OSBPL6: variants seen among roughly 807,000 people sequenced by gnomAD.
The protein encoded by OSBPL6 is oxysterol-binding protein-related protein 6.
In OSBPL6, 49 loss-of-function variants were observed where a neutral mutation model predicts 125.8. The observed-to-expected ratio is 0.39, with a 90% CI of 0.31 to 0.49. The LOEUF is 0.49. Ranked by LOEUF, OSBPL6 falls within the 20% of genes least tolerant of loss-of-function variation. OSBPL6 has a pLI of 0.88. For missense variants in OSBPL6, 986 were observed against 1,135.4 expected (o/e 0.87, Z 1.89); for synonymous variants, 394 against 391.8 (o/e 1.01, Z -0.07).
chr2:178,371,215 G>A (rs189527279), intron 13 of OSBPL6, among the ~76,000 whole-genome samples: 7 of 152,246 alleles, frequency 4.6e-5, no homozygotes, highest in East Asian at 3.9e-4. Context: ...TTTAACTTGA[G>A]GCTTGATATA....
At chr2:178,280,588 A>G (rs986779001) in intron 1 of OSBPL6, among the ~76,000 whole-genome samples, 4 of 152,252 alleles carry the variant, frequency 2.6e-5, no homozygotes, top group African/African-American at 7.2e-5. Context: ...TTGACATTTC[A>G]TATGCATTGT....
At chr2:178,212,357 C>A (rs1024726022) in intron 1 of OSBPL6, among the ~76,000 whole-genome samples, 5 of 152,164 alleles carry the variant, frequency 3.3e-5, no homozygotes, top group Non-Finnish European at 7.3e-5. Flanking sequence ...GGGCACTCTT[C>A]TTAGAGTTTT....
At chr2:178,323,471 A>ATTTATTTT (rs1386642705) in intron 3 of OSBPL6, 2 of 151,854 alleles carry the variant, frequency 1.3e-5, no homozygotes, top group African/African-American at 4.8e-5. Context: ...TTATTTATTT[A>ATTTATTTT]TTTATTTTTG....
chr2:178,382,287 A>T (rs1183916672), intron 15 of OSBPL6, 133 bp from the exon 16 acceptor site: 15 of 1,126,530 alleles, frequency 1.3e-5, no homozygotes, highest in African/African-American at 3.2e-5. Context: ...CATTGCACAT[A>T]TGTCAAATAC....
intron 1 of OSBPL6, among the ~76,000 whole-genome samples, chr2:178,223,656 C>T (rs576560843): frequency 6.6e-6 from 1 of 152,262 alleles, no homozygotes; most frequent in East Asian, 1.9e-4. Flanking sequence ...TTAGTATTTA[C>T]ACTGACTAAG....
At chr2:178,327,192 A>T (rs1352551045) in intron 4 of OSBPL6, among the ~76,000 whole-genome samples, 1 of 152,228 alleles carries the variant, frequency 6.6e-6, no homozygotes, top group African/African-American at 2.4e-5. Context: ...AAAAGAAATT[A>T]GTAGTTAGTA....
Position 178,331,642 on chromosome 2 carries a change from T to C in OSBPL6, c.372+37T>C. ...ACAGGACATGTTTCAAAGGTTGATTTCGAATTCTGCTTGAAGTGAGTAAAC... is the reference window on the plus strand; with the variant it reads ...ACAGGACATGTTTCAAAGGTTGATTCCGAATTCTGCTTGAAGTGAGTAAAC... On this transcript the variant is annotated intron_variant, in intron 6 of 24. Coordinates refer to ENST00000190611, the MANE Select transcript of OSBPL6 (RefSeq NM_032523.4). 1.2e-6 allele frequency: 2 copies of C among 1,605,074 alleles called. 1 individual carries two copies.
intron 1 of OSBPL6, among the ~76,000 whole-genome samples, chr2:178,231,638 A>ATTTTTT (rs71023433): frequency 2.2e-4 from 19 of 84,572 alleles, no homozygotes; most frequent in African/African-American, 1.0e-3. Context: ...GGGTGGTCCC[A>ATTTTTT]TTTTTTTTTT....
At chr2:178,248,435 T>C (rs2154000324) in intron 1 of OSBPL6, among the ~76,000 whole-genome samples, 1 of 152,342 alleles carries the variant, frequency 6.6e-6, no homozygotes, top group East Asian at 1.9e-4. Flanking sequence ...GTTTTTTTCC[T>C]GTGATTTTTT....
intron 1 of OSBPL6, among the ~76,000 whole-genome samples, chr2:178,267,018 A>T (rs1465204990): frequency 6.6e-6 from 1 of 152,168 alleles, no homozygotes; most frequent in East Asian, 1.9e-4. Context: ...AGCCAGAGAG[A>T]CATGGCTATT....
intron 13 of OSBPL6, among the ~76,000 whole-genome samples, chr2:178,370,108 T>C (rs975002695): frequency 6.6e-6 from 1 of 152,044 alleles, no homozygotes; most frequent in Non-Finnish European, 1.5e-5. Flanking sequence ...CTACTAAAAA[T>C]ACAAAAATTA....
intron 1 of OSBPL6, among the ~76,000 whole-genome samples, chr2:178,246,308 A>G (rs1479134303): frequency 6.6e-6 from 1 of 152,206 alleles, no homozygotes; most frequent in Non-Finnish European, 1.5e-5. Flanking sequence ...CGTGGTCTCC[A>G]TGCAGTCTCT....
chr2:178,374,139 A>G (rs36060642), intron 15 of OSBPL6, 112 bp downstream of exon 15: 332,056 of 1,313,040 alleles, frequency 0.25, 45,754 homozygotes, highest in Admixed American at 0.33. Flanking sequence ...TTTTTTGTTT[A>G]CATCATAGTA....
intron 1 of OSBPL6, among the ~76,000 whole-genome samples, chr2:178,284,481 A>G (rs1684513565): frequency 6.6e-6 from 1 of 150,986 alleles, no homozygotes. Flanking sequence ...TGAACCCAGG[A>G]GGCAGAGGTT....
chr2:178,289,147 A>G (rs1685003953), intron 2 of OSBPL6, among the ~76,000 whole-genome samples: 1 of 148,900 alleles, frequency 6.7e-6, no homozygotes, highest in Non-Finnish European at 1.5e-5. Context: ...CCTCCCGAGT[A>G]GCTGGGACTA....
chr2:178,365,648 C>T (rs771383625), intron 13 of OSBPL6, among the ~76,000 whole-genome samples: 1 of 151,954 alleles, frequency 6.6e-6, no homozygotes, highest in African/African-American at 2.4e-5. Flanking sequence ...TGCACTCCAG[C>T]CTGGATGACA....
intron 1 of OSBPL6, among the ~76,000 whole-genome samples, chr2:178,252,652 A>C (rs1248682103): frequency 6.6e-6 from 1 of 152,170 alleles, no homozygotes; most frequent in African/African-American, 2.4e-5. Flanking sequence ...CACAGATAAC[A>C]AGATTAGCTT....
chr2:178,266,635 C>T (rs538322363), intron 1 of OSBPL6, among the ~76,000 whole-genome samples: 7 of 152,148 alleles, frequency 4.6e-5, no homozygotes, highest in Admixed American at 6.5e-5. Context: ...ACACATGGAG[C>T]GAGGTTGAGA....
At chr2:178,251,471 G>A (rs1408793947) in intron 1 of OSBPL6, among the ~76,000 whole-genome samples, 1 of 151,478 alleles carries the variant, frequency 6.6e-6, no homozygotes, top group Non-Finnish European at 1.5e-5. Context: ...CTTGCAAGGG[G>A]TTTCCATGGG....
Sources: allele counts gnomAD v4.1 joint callset (sites outside exome capture counted in the v4.1 genomes callset), GRCh38; gene constraint gnomAD v4.1.1; transcripts MANE v1.5; gene names NCBI Gene and HGNC (gene_info 2026-07-23, HGNC 2026-07-21).